EPHA5: variants seen among roughly 807,000 people sequenced by gnomAD.
EPHA5 encodes the protein EPH receptor A5, also known as ephrin type-A receptor 5.
A neutral mutation model predicts 105.0 loss-of-function variants in EPHA5; 60 were observed. That is an observed-to-expected ratio of 0.57 (90% CI 0.46 to 0.71). EPHA5 has a LOEUF of 0.71. Ranked by LOEUF, EPHA5 falls within the 30% of genes least tolerant of loss-of-function variation. The pLI, the probability that EPHA5 is intolerant of heterozygous loss-of-function variation, is 0.00. For missense variants in EPHA5, 1,218 were observed against 1,274.7 expected (o/e 0.96, Z 0.68); for synonymous variants, 513 against 449.1 (o/e 1.14, Z -1.80).
intron 3 of EPHA5, among the ~76,000 whole-genome samples, chr4:65,501,139 A>G (rs1732446433): frequency 6.6e-6 from 1 of 151,456 alleles, no homozygotes; most frequent in African/African-American, 2.4e-5. Context: ...ACAAAATGCT[A>G]TAAGGGAATT....
At chr4:65,666,086 C>T (rs979323326) in intron 1 of EPHA5, among the ~76,000 whole-genome samples, 1 of 152,110 alleles carries the variant, frequency 6.6e-6, no homozygotes, top group Non-Finnish European at 1.5e-5. Context: ...CCAAGAAAAA[C>T]CCTAAAACAA....
chr4:65,400,593 A>G (rs2148979873), intron 8 of EPHA5, among the ~76,000 whole-genome samples: 1 of 152,228 alleles, frequency 6.6e-6, no homozygotes, highest in East Asian at 1.9e-4. Flanking sequence ...AAGATTCCAA[A>G]AGATTTCTGC....
chr4:65,356,284 G>A (rs546949295), intron 11 of EPHA5, among the ~76,000 whole-genome samples: 135 of 151,350 alleles, frequency 8.9e-4, no homozygotes, highest in Non-Finnish European at 1.7e-3. Context: ...AGAGTTATGG[G>A]TTAGTGGTAA....
chr4:65,475,147 T>C (rs1729668118), intron 5 of EPHA5, among the ~76,000 whole-genome samples: 1 of 152,194 alleles, frequency 6.6e-6, no homozygotes, highest in Non-Finnish European at 1.5e-5. Flanking sequence ...CTGCCATTCA[T>C]TCATTTCTGT....
At position 65,668,766 on chromosome 4, in the gene EPHA5, T is replaced by G. The variant is rs559909220; in HGVS notation, c.181+796A>C. ...GGGGACTGGGTACTCCTGGATCAGGTGCTGGCCAGAGCAGGTCTTTTCCGT... is the reference window on the plus strand; with the variant it reads ...GGGGACTGGGTACTCCTGGATCAGGGGCTGGCCAGAGCAGGTCTTTTCCGT... On this transcript the variant is annotated intron_variant, in intron 1 of 16. Transcript: ENST00000613740. 2.6e-5 allele frequency among the ~76,000 whole-genome samples: 4 copies of G among 152,146 alleles called. No individual in the cohort carries two copies. In the South Asian group the frequency reaches 8.3e-4, roughly 32 times the overall value.
intron 5 of EPHA5, among the ~76,000 whole-genome samples, chr4:65,430,358 T>C (rs908774103): frequency 6.6e-6 from 1 of 152,038 alleles, no homozygotes; most frequent in Admixed American, 6.6e-5. Context: ...GTGCTCAAGA[T>C]GTATTTTGAA....
chr4:65,491,088 C>A (rs965295456), intron 4 of EPHA5, among the ~76,000 whole-genome samples: 2 of 151,602 alleles, frequency 1.3e-5, no homozygotes, highest in Non-Finnish European at 2.9e-5. Flanking sequence ...CTAATCCCTG[C>A]AACCTACAAA....
At chr4:65,509,773 C>A (rs893942729) in intron 3 of EPHA5, among the ~76,000 whole-genome samples, 1 of 152,128 alleles carries the variant, frequency 6.6e-6, no homozygotes, top group Non-Finnish European at 1.5e-5. Context: ...GAGTAAAATT[C>A]TACACTGATT....
At chr4:65,474,459 A>G (rs1276726451) in intron 5 of EPHA5, among the ~76,000 whole-genome samples, 1 of 152,206 alleles carries the variant, frequency 6.6e-6, no homozygotes, top group East Asian at 1.9e-4. Context: ...TTACTGAGTT[A>G]TAATGTAAGC....
chr4:65,435,050 G>A (rs1251080120), intron 5 of EPHA5, among the ~76,000 whole-genome samples: 2 of 152,008 alleles, frequency 1.3e-5, no homozygotes, highest in Non-Finnish European at 2.9e-5. Flanking sequence ...TACACATAAG[G>A]ATAGGAATTT....
At chr4:65,549,364 T>C (rs772821609) in intron 3 of EPHA5, among the ~76,000 whole-genome samples, 4 of 152,044 alleles carry the variant, frequency 2.6e-5, no homozygotes, top group Non-Finnish European at 5.9e-5. Flanking sequence ...AACAAGTAAA[T>C]GATTATAAAT....
At chr4:65,385,926 C>A (rs571271796) in intron 8 of EPHA5, among the ~76,000 whole-genome samples, 1 of 151,846 alleles carries the variant, frequency 6.6e-6, no homozygotes, top group African/African-American at 2.4e-5. Flanking sequence ...CCAACATAGA[C>A]AAAATAATAC....
chr4:65,605,496 G>C (rs180812284), intron 2 of EPHA5, among the ~76,000 whole-genome samples: 3 of 152,206 alleles, frequency 2.0e-5, no homozygotes, highest in Non-Finnish European at 2.9e-5. Context: ...ACTGACTCAT[G>C]ACACATGGGC....
chr4:65,597,477 A>G (rs1398156521), intron 3 of EPHA5, among the ~76,000 whole-genome samples: 1 of 133,632 alleles, frequency 7.5e-6, no homozygotes, highest in African/African-American at 3.1e-5. Flanking sequence ...AAAGTCTCAC[A>G]TGAGTCTTAA....
intron 8 of EPHA5, among the ~76,000 whole-genome samples, chr4:65,368,715 T>C (rs1050102807): frequency 1.3e-5 from 2 of 152,150 alleles, no homozygotes; most frequent in African/African-American, 2.4e-5. Flanking sequence ...TACTGCAAAA[T>C]ATTTAATGAA....
intron 8 of EPHA5, among the ~76,000 whole-genome samples, chr4:65,375,985 C>G (rs1319100296): frequency 6.6e-6 from 1 of 151,814 alleles, no homozygotes; most frequent in Non-Finnish European, 1.5e-5. Flanking sequence ...AAGAAATTGA[C>G]AAAATATTTC....
At chr4:65,502,111 C>A (rs915334334) in intron 3 of EPHA5, among the ~76,000 whole-genome samples, 2 of 151,406 alleles carry the variant, frequency 1.3e-5, no homozygotes, top group African/African-American at 2.4e-5. Context: ...TCAAGATGAA[C>A]TAAAGACTTA....
At chr4:65,582,826 T>C (rs1741765753) in intron 3 of EPHA5, among the ~76,000 whole-genome samples, 1 of 151,760 alleles carries the variant, frequency 6.6e-6, no homozygotes. Flanking sequence ...AAAATGACCA[T>C]TGGAATTCTT....
At chr4:65,368,800 T>C (rs183333692) in intron 8 of EPHA5, among the ~76,000 whole-genome samples, 1 of 152,190 alleles carries the variant, frequency 6.6e-6, no homozygotes, top group Non-Finnish European at 1.5e-5. Context: ...CATCTTCACA[T>C]GTACTAAATT....
Sources: gnomAD v4.1 joint callset for allele counts (sites outside exome capture counted in the v4.1 genomes callset) on GRCh38, gnomAD v4.1.1 for gene constraint, MANE v1.5 for transcripts, NCBI Gene and HGNC (gene_info 2026-07-23, HGNC 2026-07-21) for gene names.